LY86: variants seen among roughly 807,000 people sequenced by gnomAD.
LY86 encodes the protein MD-1, RP105-associated.
LY86 carries 20 observed loss-of-function variants against 17.3 expected under a neutral mutation model. The observed-to-expected ratio is 1.15, with a 90% CI of 0.81 to 1.68. The LOEUF (loss-of-function observed/expected upper bound fraction) is 1.68. Among genes scored for constraint, LY86 ranks in the 40% most tolerant of loss-of-function variants. The pLI is 0.00. For synonymous variants in LY86, 74 were observed against 70.6 expected (o/e 1.05, Z -0.24); for missense variants, 200 against 191.9 (o/e 1.04, Z -0.25).
At chr6:6,591,853 C>T (rs1760540525) in intron 1 of LY86, among the ~76,000 whole-genome samples, 1 of 152,100 alleles carries the variant, frequency 6.6e-6, no homozygotes, top group African/African-American at 2.4e-5. Flanking sequence ...AGAAGTTTGG[C>T]AGAGACAATG....
At chr6:6,647,940 C>T (rs1762128273) in intron 3 of LY86, among the ~76,000 whole-genome samples, 1 of 150,564 alleles carries the variant, frequency 6.6e-6, no homozygotes, top group African/African-American at 2.4e-5. Context: ...TAACCATCTC[C>T]CAGAAATAGA....
At chr6:6,591,580 T>C (rs1760532391) in intron 1 of LY86, 1 of 153,574 alleles carries the variant, frequency 6.5e-6, no homozygotes, top group Non-Finnish European at 1.5e-5. Flanking sequence ...GGCTAAGTAC[T>C]TTACATGCAT....
At chr6:6,594,219 G>GT (rs1760629165) in intron 1 of LY86, among the ~76,000 whole-genome samples, 1 of 152,214 alleles carries the variant, frequency 6.6e-6, no homozygotes, top group African/African-American at 2.4e-5. Context: ...GCTCCTAGAA[G>GT]TTGTGTAAGG....
intron 1 of LY86, among the ~76,000 whole-genome samples, chr6:6,612,450 G>C (rs936790568): frequency 4.6e-5 from 7 of 152,172 alleles, no homozygotes; most frequent in African/African-American, 1.4e-4. Flanking sequence ...TTCATGGGGA[G>C]TGTTACACTT....
intron 1 of LY86, chr6:6,620,846 T>C (rs1188809149): frequency 1.3e-5 from 2 of 152,280 alleles, no homozygotes; most frequent in Non-Finnish European, 2.9e-5. Flanking sequence ...CAAGAAAACT[T>C]TTCTAGAAGA....
intron 1 of LY86, among the ~76,000 whole-genome samples, chr6:6,602,840 A>G (rs1331911765): frequency 6.6e-6 from 1 of 152,210 alleles, no homozygotes; most frequent in Non-Finnish European, 1.5e-5. Context: ...GCTTACTCCC[A>G]CAGTCACAGA....
intron 1 of LY86, among the ~76,000 whole-genome samples, chr6:6,605,120 G>A (rs1761062050): frequency 6.6e-6 from 1 of 151,564 alleles, no homozygotes; most frequent in South Asian, 2.1e-4. Context: ...TCAGTTTTGA[G>A]ATATAAAATG....
chr6:6,643,889 A>G (rs2113159836), intron 3 of LY86, among the ~76,000 whole-genome samples: 1 of 152,356 alleles, frequency 6.6e-6, no homozygotes, highest in African/African-American at 2.4e-5. Context: ...AAAAAAGAAC[A>G]CTGCCTCCCC....
chr6:6,605,558 C>T (rs1317036000), intron 1 of LY86, among the ~76,000 whole-genome samples: 2 of 152,264 alleles, frequency 1.3e-5, no homozygotes. Flanking sequence ...ACGTGCTTCC[C>T]ACGGAGTGGG....
rs112251451 is a variant in LY86, at chr6:6,632,394, G to C, written c.352+5973G>C. ...GTGGCCATAATTCATTATTGGGTAAGAGTGGAGACTAAATAAGATATGTGA... is the reference window on the plus strand; with the variant it reads ...GTGGCCATAATTCATTATTGGGTAACAGTGGAGACTAAATAAGATATGTGA... On this transcript the variant is annotated intron_variant, in intron 3 of 4. Coordinates refer to ENST00000230568, the MANE Select transcript of LY86 (RefSeq NM_004271.4). 1.7e-3 allele frequency among the ~76,000 whole-genome samples: 266 copies of C among 152,318 alleles called. 1 individual carries two copies. The highest frequency in any genetic ancestry group is 6.2e-3 in the African/African-American group (256 of 41,570).
intron 3 of LY86, 32 bp from the exon 4 acceptor site, chr6:6,649,593 T>A: frequency 7.4e-7 from 1 of 1,354,494 alleles, no homozygotes; most frequent in Non-Finnish European, 1.0e-6. Flanking sequence ...AATGATTGAA[T>A]AACATCATCT....
At chr6:6,599,910 C>A (rs1760844786) in intron 1 of LY86, among the ~76,000 whole-genome samples, 1 of 152,146 alleles carries the variant, frequency 6.6e-6, no homozygotes, top group Admixed American at 6.5e-5. Flanking sequence ...CAAACTCACC[C>A]AATGTCAGGT....
chr6:6,594,240 C>T (rs1004539954), intron 1 of LY86, among the ~76,000 whole-genome samples: 10 of 152,282 alleles, frequency 6.6e-5, no homozygotes, highest in Admixed American at 4.6e-4. Flanking sequence ...CAGACACTTG[C>T]GAACTAGAGC....
chr6:6,617,760 C>T (rs1233212870), intron 1 of LY86, among the ~76,000 whole-genome samples: 1 of 152,144 alleles, frequency 6.6e-6, no homozygotes, highest in African/African-American at 2.4e-5. Context: ...TGCTATGTGG[C>T]GCCATGGCAC....
At chr6:6,643,221 A>T (rs1762064378) in intron 3 of LY86, among the ~76,000 whole-genome samples, 1 of 152,238 alleles carries the variant, frequency 6.6e-6, no homozygotes, top group Non-Finnish European at 1.5e-5. Context: ...ATTCCCACCG[A>T]CAGTGGGAAT....
intron 1 of LY86, among the ~76,000 whole-genome samples, chr6:6,601,204 C>A (rs1368123654): frequency 1.3e-5 from 2 of 152,188 alleles, no homozygotes; most frequent in African/African-American, 4.8e-5. Context: ...CTCAGCAGAG[C>A]TTCTTTCCTG....
At chr6:6,605,808 C>T (rs982059560) in intron 1 of LY86, among the ~76,000 whole-genome samples, 12 of 152,038 alleles carry the variant, frequency 7.9e-5, no homozygotes, top group Admixed American at 5.9e-4. Context: ...TGGTGGGGTT[C>T]GTGGTCTCGC....
At chr6:6,603,606 A>ACAAAAC (rs1561778004) in intron 1 of LY86, among the ~76,000 whole-genome samples, 4 of 95,028 alleles carry the variant, frequency 4.2e-5, no homozygotes, top group Non-Finnish European at 9.7e-5. Flanking sequence ...ACAGAAACAG[A>ACAAAAC]AAAAAAAACA....
At chr6:6,640,729 C>CA (rs199716443) in intron 3 of LY86, among the ~76,000 whole-genome samples, 3,597 of 137,034 alleles carry the variant, frequency 0.026, 58 homozygotes, top group Middle Eastern at 0.046. Context: ...CAAAACAAAA[C>CA]AAAAAAAAAA....
Sources: gnomAD v4.1 joint callset for allele counts (sites outside exome capture counted in the v4.1 genomes callset) on GRCh38, gnomAD v4.1.1 for gene constraint, MANE v1.5 for transcripts, NCBI Gene and HGNC (gene_info 2026-07-23, HGNC 2026-07-21) for gene names.